CSMD3: variants seen among roughly 807,000 people sequenced by gnomAD.
CSMD3 encodes the protein CUB and Sushi multiple domains 3.
In CSMD3, 177 loss-of-function variants were observed where a neutral mutation model predicts 435.2. The observed-to-expected ratio is 0.41, with a 90% CI of 0.36 to 0.46. CSMD3 has a LOEUF of 0.46. CSMD3 is among the 20% of genes least tolerant of loss of function. CSMD3 has a pLI of 0.34. For synonymous variants in CSMD3, 1,656 were observed against 1,520.5 expected, an observed-to-expected ratio of 1.09 and a Z score of -2.07; for missense variants, 4,265 against 4,504.6, an observed-to-expected ratio of 0.95 and a Z score of 1.52.
intron 5 of CSMD3, among the ~76,000 whole-genome samples, chr8:113,076,210 A>G (rs568413044): frequency 2.3e-4 from 35 of 151,388 alleles, no homozygotes; most frequent in African/African-American, 8.2e-4. Context: ...GATAGATAGC[A>G]AAGTATCTAC....
intron 3 of CSMD3, among the ~76,000 whole-genome samples, chr8:113,190,875 T>G (rs561378260): frequency 5.3e-5 from 8 of 151,916 alleles, no homozygotes; most frequent in African/African-American, 1.9e-4. Flanking sequence ...GTCTTTTATT[T>G]TTCATTTATT....
intron 22 of CSMD3, among the ~76,000 whole-genome samples, chr8:112,615,638 G>C (rs2131491229): frequency 6.6e-6 from 1 of 152,006 alleles, no homozygotes; most frequent in East Asian, 1.9e-4. Context: ...TTCTATAATA[G>C]GCTGTCACCA....
intron 1 of CSMD3, among the ~76,000 whole-genome samples, chr8:113,342,010 T>G (rs1180930607): frequency 6.6e-6 from 1 of 152,148 alleles, no homozygotes; most frequent in Non-Finnish European, 1.5e-5. Flanking sequence ...TGTTCACTAT[T>G]TTCCATAATA....
At chr8:113,067,512 G>C (rs2088912358) in intron 5 of CSMD3, among the ~76,000 whole-genome samples, 1 of 151,944 alleles carries the variant, frequency 6.6e-6, no homozygotes, top group African/African-American at 2.4e-5. Flanking sequence ...TATTAGGTTG[G>C]TGCAAAAATT....
At chr8:112,771,892 G>T (rs540588048) in intron 13 of CSMD3, among the ~76,000 whole-genome samples, 1 of 151,942 alleles carries the variant, frequency 6.6e-6, no homozygotes, top group African/African-American at 2.4e-5. Flanking sequence ...TGGAAACGAC[G>T]CATTTCTGAG....
intron 55 of CSMD3, 98 bp downstream of exon 55, chr8:112,292,438 AC>A: frequency 8.3e-7 from 1 of 1,211,764 alleles, no homozygotes. Flanking sequence ...TTAGATAAAA[AC>A]TTTTTACTAT....
intron 2 of CSMD3, among the ~76,000 whole-genome samples, chr8:113,306,142 TAATA>T (rs201806899): frequency 4.6e-5 from 7 of 151,602 alleles, no homozygotes; most frequent in Admixed American, 6.6e-5. Flanking sequence ...TATTGAGAAA[TAATA>T]AATAATAACT....
intron 7 of CSMD3, among the ~76,000 whole-genome samples, chr8:112,970,405 AAAAAAAAAAAAG>A (rs2084604962): frequency 6.6e-6 from 1 of 150,422 alleles, no homozygotes; most frequent in African/African-American, 2.4e-5. Context: ...CAAAAAAAAA[AAAAAAAAAAAAG>A]AAAAGATATC....
chr8:112,699,120 C>T (rs140673831), intron 13 of CSMD3, among the ~76,000 whole-genome samples: 3 of 152,190 alleles, frequency 2.0e-5, no homozygotes, highest in East Asian at 1.9e-4. Context: ...GCAACCCGCT[C>T]GCGTCCCCTT....
intron 1 of CSMD3, among the ~76,000 whole-genome samples, chr8:113,343,788 C>T (rs1270711887): frequency 1.3e-5 from 2 of 152,054 alleles, no homozygotes; most frequent in East Asian, 3.9e-4. Context: ...TAATTGCACT[C>T]AAGCCGGGTG....
At chr8:113,234,721 G>A (rs2093128291) in intron 3 of CSMD3, among the ~76,000 whole-genome samples, 1 of 152,054 alleles carries the variant, frequency 6.6e-6, no homozygotes, top group Admixed American at 6.6e-5. Flanking sequence ...TTATCATTTG[G>A]TTAGGAAGCA....
chr8:113,252,216 C>T (rs1050140711), intron 3 of CSMD3, among the ~76,000 whole-genome samples: 2 of 151,930 alleles, frequency 1.3e-5, no homozygotes, highest in Admixed American at 6.6e-5. Flanking sequence ...CAATAATCTC[C>T]AATTTCTCCC....
intron 31 of CSMD3, among the ~76,000 whole-genome samples, chr8:112,484,910 C>T (rs1318246454): frequency 6.6e-6 from 1 of 151,980 alleles, no homozygotes; most frequent in Admixed American, 6.6e-5. Context: ...GGAAAAACTC[C>T]AGTCCAAGCA....
At chr8:112,499,768 C>A (rs10111382) in intron 30 of CSMD3, among the ~76,000 whole-genome samples, 30,387 of 151,966 alleles carry the variant, frequency 0.2, 3,701 homozygotes, top group East Asian at 0.39. Context: ...GTTTGCATAG[C>A]AGCTTAAGAG....
At chr8:112,951,290 C>A (rs2130814555) in intron 8 of CSMD3, among the ~76,000 whole-genome samples, 1 of 151,808 alleles carries the variant, frequency 6.6e-6, no homozygotes, top group Admixed American at 6.6e-5. Context: ...ATTTGCATAG[C>A]AACTTGCAGC....
intron 6 of CSMD3, among the ~76,000 whole-genome samples, chr8:112,983,110 T>C (rs1382424823): frequency 6.6e-6 from 1 of 152,022 alleles, no homozygotes; most frequent in Non-Finnish European, 1.5e-5. Context: ...ATAATGATAG[T>C]ATTTGTTTAT....
At chr8:113,119,893 A>G (rs1005567042) in intron 4 of CSMD3, among the ~76,000 whole-genome samples, 1 of 152,068 alleles carries the variant, frequency 6.6e-6, no homozygotes, top group African/African-American at 2.4e-5. Flanking sequence ...TAACATTTCT[A>G]TTGCATTTTT....
intron 1 of CSMD3, among the ~76,000 whole-genome samples, chr8:113,377,438 A>G (rs1052509096): frequency 6.6e-6 from 1 of 152,192 alleles, no homozygotes; most frequent in Non-Finnish European, 1.5e-5. Context: ...GGAGATGCTG[A>G]TAAGTCAAAA....
intron 22 of CSMD3, among the ~76,000 whole-genome samples, chr8:112,587,932 G>A (rs1047413522): frequency 2.6e-5 from 4 of 151,706 alleles, no homozygotes; most frequent in African/African-American, 9.7e-5. Flanking sequence ...AAAATTTGAG[G>A]AACTGTCTAA....
Sources: gnomAD v4.1 joint callset for allele counts (sites outside exome capture counted in the v4.1 genomes callset) on GRCh38, gnomAD v4.1.1 for gene constraint, MANE v1.5 for transcripts, NCBI Gene and HGNC (gene_info 2026-07-23, HGNC 2026-07-21) for gene names.